The following FRMD3 variants were observed in gnomAD, a reference collection of about 807,000 sequenced individuals.
FRMD3 encodes FERM domain-containing protein 3.
In FRMD3, 33 loss-of-function variants were observed where a neutral mutation model predicts 70.2. The observed-to-expected ratio is 0.47, with a 90% confidence interval of 0.36 to 0.63. The LOEUF (loss-of-function observed/expected upper bound fraction) is 0.63, where lower values mean the gene tolerates loss of function less well. FRMD3 is among the 20% of genes least tolerant of loss of function. The pLI is 0.00. For synonymous variants in FRMD3, 279 were observed against 255.9 expected (o/e 1.09, Z -0.86); for missense variants, 632 against 711.4 (o/e 0.89, Z 1.27).
At chr9:83,336,556 T>C (rs10780595) in intron 5 of FRMD3, among the ~76,000 whole-genome samples, 131,189 of 148,896 alleles carry the variant, frequency 0.88, 57,968 homozygotes, top group African/African-American at 0.91. Flanking sequence ...CCAGCGGGAT[T>C]GCACTTAAAA....
chr9:83,521,989 C>T (rs1298231018), intron 1 of FRMD3, among the ~76,000 whole-genome samples: 2 of 152,144 alleles, frequency 1.3e-5, no homozygotes, highest in Non-Finnish European at 2.9e-5. Context: ...TGGATTAGGG[C>T]CCCTCAGTGG....
chr9:83,517,027 T>A (rs1197056433), intron 1 of FRMD3, among the ~76,000 whole-genome samples: 2 of 152,240 alleles, frequency 1.3e-5, no homozygotes, highest in African/African-American at 2.4e-5. Flanking sequence ...GGGGAAGATC[T>A]AAAATTGTCA....
intron 10 of FRMD3, among the ~76,000 whole-genome samples, chr9:83,305,387 G>A (rs1229771805): frequency 6.6e-6 from 1 of 152,218 alleles, no homozygotes; most frequent in Admixed American, 6.5e-5. Flanking sequence ...ACTGAGCACA[G>A]CAAGGCAGGT....
chr9:83,485,082 TA>T (rs1828658077), intron 1 of FRMD3, among the ~76,000 whole-genome samples: 1 of 152,206 alleles, frequency 6.6e-6, no homozygotes, highest in South Asian at 2.1e-4. Context: ...CTTTCACTAA[TA>T]AATTCTCTTA....
At chr9:83,479,214 A>C (rs1331093719) in intron 1 of FRMD3, among the ~76,000 whole-genome samples, 1 of 151,566 alleles carries the variant, frequency 6.6e-6, no homozygotes, top group Non-Finnish European at 1.5e-5. Context: ...CTTTAGGAGA[A>C]TGAGGTGAGA....
intron 1 of FRMD3, among the ~76,000 whole-genome samples, chr9:83,416,900 C>T (rs532703117): frequency 6.6e-6 from 1 of 152,154 alleles, no homozygotes; most frequent in East Asian, 1.9e-4. Flanking sequence ...CTAAGCCAGT[C>T]ATCTCAACAG....
intron 1 of FRMD3, among the ~76,000 whole-genome samples, chr9:83,478,321 A>C (rs181734427): frequency 7.2e-5 from 11 of 152,174 alleles, no homozygotes; most frequent in Admixed American, 3.9e-4. Context: ...CTTAGTTGTT[A>C]TGCAAAATGT....
chr9:83,284,771 A>G (rs1834120032), intron 13 of FRMD3, among the ~76,000 whole-genome samples: 1 of 152,184 alleles, frequency 6.6e-6, no homozygotes, highest in Admixed American at 6.5e-5. Context: ...TGACCATGGA[A>G]CTACAGAAAG....
At chr9:83,319,487 T>A (rs146288231) in intron 6 of FRMD3, among the ~76,000 whole-genome samples, 35,873 of 152,104 alleles carry the variant, frequency 0.24, 4,596 homozygotes, top group East Asian at 0.4. Context: ...AGTGGCATGA[T>A]CTTGGCTCAC....
chr9:83,252,542 C>T (rs1156337333), intron 13 of FRMD3, among the ~76,000 whole-genome samples: 30 of 152,094 alleles, frequency 2.0e-4, no homozygotes, highest in Admixed American at 1.8e-3. Context: ...TGTAAATGGG[C>T]TAAATGCCCC....
chr9:83,244,093 A>ACTC (rs2118430411), downstream of FRMD3, among the ~76,000 whole-genome samples: 1 of 151,390 alleles, frequency 6.6e-6, no homozygotes, highest in East Asian at 1.9e-4. Context: ...GTGCCATTGC[A>ACTC]CTCCAGCCTG....
At chr9:83,354,215 T>G (rs1419393476) in intron 3 of FRMD3, among the ~76,000 whole-genome samples, 4 of 152,176 alleles carry the variant, frequency 2.6e-5, no homozygotes, top group Non-Finnish European at 5.9e-5. Flanking sequence ...TGTGAGCCAC[T>G]GTGCCTGGCC....
intron 12 of FRMD3, among the ~76,000 whole-genome samples, chr9:83,297,178 CAA>C (rs1199008301): frequency 6.6e-6 from 1 of 152,066 alleles, no homozygotes. Flanking sequence ...AAGTATATTG[CAA>C]AAAAAGTGTC....
intron 5 of FRMD3, among the ~76,000 whole-genome samples, chr9:83,341,617 G>C (rs1587744546): frequency 6.6e-6 from 1 of 152,104 alleles, no homozygotes; most frequent in Non-Finnish European, 1.5e-5. Flanking sequence ...TCCAAGGTAA[G>C]AGAGGCAGCT....
At chr9:83,509,010 CT>C (rs1218499623) in intron 1 of FRMD3, among the ~76,000 whole-genome samples, 11 of 149,240 alleles carry the variant, frequency 7.4e-5, no homozygotes, top group Non-Finnish European at 1.5e-4. Flanking sequence ...CCTTCCCCCC[CT>C]CCCCTCCTTG....
chr9:83,297,144 A>G (rs1293320211), intron 12 of FRMD3, among the ~76,000 whole-genome samples: 12 of 152,186 alleles, frequency 7.9e-5, no homozygotes, highest in Non-Finnish European at 4.4e-5. Context: ...AAAAAGCCTT[A>G]TTTTTTGGAA....
At chr9:83,491,537 C>A (rs1352142651) in intron 1 of FRMD3, among the ~76,000 whole-genome samples, 1 of 152,106 alleles carries the variant, frequency 6.6e-6, no homozygotes, top group Non-Finnish European at 1.5e-5. Context: ...ATGCCACATG[C>A]CCAGGGGTCA....
chr9:83,322,256 C>T (rs1159364571), intron 6 of FRMD3, among the ~76,000 whole-genome samples: 1 of 152,104 alleles, frequency 6.6e-6, no homozygotes, highest in Non-Finnish European at 1.5e-5. Flanking sequence ...GGCCAGGTGG[C>T]AACTGCAACC....
intron 2 of FRMD3, among the ~76,000 whole-genome samples, chr9:83,377,512 A>T (rs916450741): frequency 6.6e-6 from 1 of 152,132 alleles, no homozygotes; most frequent in African/African-American, 2.4e-5. Context: ...GAGTGATTGG[A>T]TCACAGGAGC....
Sources: gnomAD v4.1 joint callset for allele counts (sites outside exome capture counted in the v4.1 genomes callset) on GRCh38, gnomAD v4.1.1 for gene constraint, MANE v1.5 for transcripts, NCBI Gene and HGNC (gene_info 2026-07-23, HGNC 2026-07-21) for gene names.